Variants in GRIP1 observed in about 807,000 individuals in gnomAD.
The protein encoded by GRIP1 is glutamate receptor-interacting protein 1.
Under a neutral mutation model 129.9 loss-of-function variants are expected in GRIP1, and 45 were observed. The observed-to-expected ratio is 0.35, with a 90% CI of 0.27 to 0.44. The LOEUF is 0.44. Ranked by LOEUF, GRIP1 falls within the 20% of genes least tolerant of loss-of-function variation. The probability of loss-of-function intolerance (pLI) is 1.00; values close to 1 mark genes in which losing one functional copy is unlikely to be tolerated. For missense variants in GRIP1, 1,196 were observed against 1,396.8 expected (o/e 0.86, Z 2.29); for synonymous variants, 530 against 520.8 (o/e 1.02, Z -0.24).
At chr12:66,903,677 A>G (rs1333719044) in intron 1 of GRIP1, among the ~76,000 whole-genome samples, 1 of 152,220 alleles carries the variant, frequency 6.6e-6, no homozygotes, top group Non-Finnish European at 1.5e-5. Flanking sequence ...TTTAAAGTCT[A>G]TTTGTTGAAT....
At chr12:67,066,309 T>G (rs1178014674) in intron 1 of GRIP1, among the ~76,000 whole-genome samples, 1 of 152,200 alleles carries the variant, frequency 6.6e-6, no homozygotes, top group East Asian at 1.9e-4. Context: ...TGGCATGTTT[T>G]TCTTCTTTTT....
intron 1 of GRIP1, among the ~76,000 whole-genome samples, chr12:66,902,315 G>A (rs1175932979): frequency 1.3e-5 from 2 of 152,166 alleles, no homozygotes; most frequent in Non-Finnish European, 1.5e-5. Flanking sequence ...GAGGTTAAAT[G>A]AGAATGCCAA....
chr12:66,563,342 TGTAGG>T (rs1263311428), intron 2 of GRIP1, among the ~76,000 whole-genome samples: 1 of 152,234 alleles, frequency 6.6e-6, no homozygotes, highest in Middle Eastern at 3.4e-3. Flanking sequence ...CTTTTCAACA[TGTAGG>T]GTTTGGAAAA....
intron 16 of GRIP1, among the ~76,000 whole-genome samples, chr12:66,398,365 C>T (rs2056870979): frequency 6.6e-6 from 1 of 151,966 alleles, no homozygotes; most frequent in Non-Finnish European, 1.5e-5. Flanking sequence ...CCATTCTCCC[C>T]CATCCCAATC....
chr12:66,489,188 A>G (rs2060039204), intron 7 of GRIP1, among the ~76,000 whole-genome samples: 1 of 152,220 alleles, frequency 6.6e-6, no homozygotes, highest in Non-Finnish European at 1.5e-5. Context: ...TTTCAGGCCA[A>G]TATCCTTGAT....
At chr12:66,405,537 G>A (rs898505678) in intron 16 of GRIP1, among the ~76,000 whole-genome samples, 8 of 152,218 alleles carry the variant, frequency 5.3e-5, no homozygotes, top group African/African-American at 1.9e-4. Flanking sequence ...GGTCCCACCT[G>A]GGGTGGTGCC....
At chr12:66,756,681 G>A (rs2037300326) in intron 1 of GRIP1, among the ~76,000 whole-genome samples, 1 of 152,148 alleles carries the variant, frequency 6.6e-6, no homozygotes, top group Non-Finnish European at 1.5e-5. Flanking sequence ...CTTTGAGCCA[G>A]GCAGCATGCA....
chr12:66,700,375 T>G (rs1438307840), intron 1 of GRIP1, among the ~76,000 whole-genome samples: 2 of 149,014 alleles, frequency 1.3e-5, no homozygotes, highest in Non-Finnish European at 3.0e-5. Context: ...GCACATAGAG[T>G]GGCATGTTAG....
chr12:66,976,168 G>T (rs570415119), intron 1 of GRIP1, among the ~76,000 whole-genome samples: 4 of 152,160 alleles, frequency 2.6e-5, no homozygotes, highest in African/African-American at 9.7e-5. Flanking sequence ...CCATTGGAAA[G>T]ATTATGCCCA....
intron 1 of GRIP1, among the ~76,000 whole-genome samples, chr12:67,038,467 C>A (rs933757513): frequency 3.3e-5 from 5 of 152,154 alleles, no homozygotes; most frequent in Admixed American, 3.3e-4. Context: ...GATATAAAAT[C>A]ATCTGAGAAC....
chr12:66,923,284 T>C (rs1026549719), intron 1 of GRIP1, among the ~76,000 whole-genome samples: 2 of 152,164 alleles, frequency 1.3e-5, no homozygotes, highest in Non-Finnish European at 2.9e-5. Flanking sequence ...AAGTCGAGGC[T>C]GCAGTGAGCT....
At chr12:67,035,085 A>G (rs2043075430) in intron 1 of GRIP1, among the ~76,000 whole-genome samples, 1 of 152,174 alleles carries the variant, frequency 6.6e-6, no homozygotes, top group Admixed American at 6.5e-5. Context: ...ATTTCCTTGG[A>G]AAGTTTAGGT....
intron 2 of GRIP1, among the ~76,000 whole-genome samples, chr12:66,546,514 G>T (rs1281564470): frequency 6.6e-6 from 1 of 151,814 alleles, no homozygotes; most frequent in Non-Finnish European, 1.5e-5. Flanking sequence ...AAACCACTGT[G>T]GTATTGATGG....
intron 1 of GRIP1, among the ~76,000 whole-genome samples, chr12:66,600,429 A>G (rs1043464386): frequency 6.6e-6 from 1 of 152,222 alleles, no homozygotes; most frequent in African/African-American, 2.4e-5. Context: ...GGCATTCACT[A>G]AATGTTTGCT....
chr12:66,578,460 C>A (rs982462761), intron 2 of GRIP1, among the ~76,000 whole-genome samples: 4 of 152,160 alleles, frequency 2.6e-5, no homozygotes, highest in Non-Finnish European at 5.9e-5. Flanking sequence ...GAGGCATTGC[C>A]TCACTCGGGA....
intron 2 of GRIP1, among the ~76,000 whole-genome samples, chr12:66,580,973 C>CTG (rs2063352836): frequency 2.6e-5 from 4 of 152,148 alleles, no homozygotes; most frequent in African/African-American, 9.7e-5. Flanking sequence ...CAGCACCACA[C>CTG]CACAGCTATT....
At chr12:66,412,075 G>A (rs2057421606) in intron 15 of GRIP1, among the ~76,000 whole-genome samples, 1 of 152,192 alleles carries the variant, frequency 6.6e-6, no homozygotes, top group African/African-American at 2.4e-5. Flanking sequence ...TAATCCAGGA[G>A]AACTTCCCTA....
intron 1 of GRIP1, among the ~76,000 whole-genome samples, chr12:66,856,348 C>T (rs1425889200): frequency 2.0e-5 from 3 of 152,072 alleles, no homozygotes; most frequent in Non-Finnish European, 2.9e-5. Flanking sequence ...AAAGCAATGG[C>T]AACAGAAGCC....
At chr12:66,600,710 A>G (rs2064238631) in intron 1 of GRIP1, among the ~76,000 whole-genome samples, 1 of 152,194 alleles carries the variant, frequency 6.6e-6, no homozygotes, top group South Asian at 2.1e-4. Context: ...TGATTTATTG[A>G]CCAACCTTTA....
Sources: allele counts gnomAD v4.1 joint callset (sites outside exome capture counted in the v4.1 genomes callset), GRCh38; gene constraint gnomAD v4.1.1; transcripts MANE v1.5; gene names NCBI Gene and HGNC (gene_info 2026-07-23, HGNC 2026-07-21).